Variants in DPYSL4 observed in about 807,000 individuals in gnomAD.
DPYSL4 encodes the protein dihydropyrimidinase-related protein 4.
In DPYSL4, 43 loss-of-function variants were observed where a neutral mutation model predicts 63.4. That is an observed-to-expected ratio of 0.68 (90% confidence interval 0.53 to 0.88). The LOEUF (loss-of-function observed/expected upper bound fraction) is 0.88, where lower values mean the gene tolerates loss of function less well. DPYSL4 is among the 40% of genes least tolerant of loss of function. The probability of loss-of-function intolerance (pLI) is 0.00; values close to 1 mark genes in which losing one functional copy is unlikely to be tolerated. For synonymous variants in DPYSL4, 353 were observed against 331.7 expected (o/e 1.06, Z -0.70); for missense variants, 733 against 819.5 (o/e 0.89, Z 1.29).
intron 4 of DPYSL4, among the ~76,000 whole-genome samples, chr10:132,195,559 C>A (rs2061932744): frequency 6.6e-6 from 1 of 152,170 alleles, no homozygotes; most frequent in African/African-American, 2.4e-5. Flanking sequence ...GGATGGGGTC[C>A]AAGCAAGCCC....
chr10:132,204,927 C>T lies in DPYSL4; in HGVS notation c.1716C>T (p.Ser572=), dbSNP rs980573466. 1.2e-6 allele frequency: 2 copies of T among 1,608,992 alleles called. No individual in the cohort carries two copies. Among genetic ancestry groups the T allele is most frequent in the Admixed American group, 1.7e-5 (1 of 59,688 alleles). The change falls in exon 14 of 14, where the codon TCC becomes TCT. Residue 572 remains serine (S), a synonymous_variant. Coordinates refer to ENST00000338492, the MANE Select transcript of DPYSL4 (RefSeq NM_006426.3). ...PGGRSNITSL[S] ...GCCGCTCCAACATCACCTCTCTCTCCTAGACGCCCAGGACCGGCCCTGTGA... is the reference window on the plus strand; with the variant it reads ...GCCGCTCCAACATCACCTCTCTCTCTTAGACGCCCAGGACCGGCCCTGTGA...
chr10:132,191,093 G>A (rs369524202), intron 2 of DPYSL4, among the ~76,000 whole-genome samples: 5 of 140,638 alleles, frequency 3.6e-5, no homozygotes, highest in African/African-American at 5.3e-5. Context: ...TTCCCAGCTC[G>A]TGTGTACACG....
chr10:132,202,702 C>T lies in DPYSL4; in HGVS notation c.1338C>T (p.Val446=). 1.2e-6 allele frequency: 2 copies of T among 1,613,462 alleles called. No homozygotes were observed. The highest frequency in any genetic ancestry group is 1.7e-6 in the Non-Finnish European group (2 of 1,179,994). ...GVECRGAPAV[V]ISQGRVALED... ...AGTGCCGGGGAGCGCCTGCCGTGGT[C>T]ATAAGTCAGGGCCGAGTGGCGCTGG... is the stretch of plus-strand genomic sequence containing the variant. Residue 446 remains valine (V), a synonymous_variant, in exon 12 of 14, where the codon GTC becomes GTT. Transcript: ENST00000338492.
At chr10:132,193,573 G>A (rs2061904453) in intron 3 of DPYSL4, among the ~76,000 whole-genome samples, 1 of 152,258 alleles carries the variant, frequency 6.6e-6, no homozygotes, top group Non-Finnish European at 1.5e-5. Flanking sequence ...GGCCTTGGGT[G>A]CCATTCACTC....
Position 132,198,576 on chromosome 10 carries a change from C to T in DPYSL4, c.690+93C>T, listed in dbSNP as rs2061973354. 6 of 1,337,624 alleles carry T rather than the reference C, an allele frequency of 4.5e-6. No individual in the cohort carries two copies. In the Admixed American group the frequency reaches 6.4e-5, roughly 14 times the overall value. 82.9% of individuals were successfully genotyped at this position (1,337,624 alleles called of 1,614,324 possible). A position where few individuals can be genotyped will look rare whatever the true frequency, so the allele number is the denominator to read the frequency against. ...GCTGACCCTGGCCCTGGGCTCCTGGCCCTGCCACTGTGCTCGCCCCGACCT... is the reference window on the plus strand; with the variant it reads ...GCTGACCCTGGCCCTGGGCTCCTGGTCCTGCCACTGTGCTCGCCCCGACCT... On this transcript the variant is annotated intron_variant, in intron 7 of 13. Transcript: ENST00000338492.
chr10:132,192,509 G>A, intron 2 of DPYSL4, 149 bp from the exon 3 acceptor site: 1 of 1,403,204 alleles, frequency 7.1e-7, no homozygotes, highest in Non-Finnish European at 9.2e-7. Flanking sequence ...GCACTCCCGA[G>A]GAGCTAGTCC....
At position 132,190,342 on chromosome 10, in the gene DPYSL4, G is replaced by A. The variant is rs1175340545; in HGVS notation, c.40-405G>A. Among the ~76,000 whole-genome samples the A allele has an allele frequency of 2.6e-5, 4 of 152,354 alleles. No homozygotes were observed. The East Asian group carries it at 7.7e-4, about 29-fold the overall frequency. ...GTCCGCTCCCAGCCTCCTCTGCGTG[G>A]GTGGAAGACAGGGTGGAGGAGAGCA... On this transcript the variant is annotated intron_variant, in intron 1 of 13. Transcript: ENST00000338492.
At chr10:132,201,869 T>C in intron 10 of DPYSL4, 77 bp from the exon 11 acceptor site, 1 of 1,472,090 alleles carries the variant, frequency 6.8e-7, no homozygotes, top group Non-Finnish European at 9.2e-7. Context: ...GGGGTCCTGG[T>C]GGCCCAGTGT....
At chr10:132,201,029 G>A (rs750670419) in intron 10 of DPYSL4, 46 bp downstream of exon 10, 3 of 1,600,682 alleles carry the variant, frequency 1.9e-6, no homozygotes, top group East Asian at 2.2e-5. Flanking sequence ...GAGCGGCTGT[G>A]GGCGGGATTG....
chr10:132,188,727 T>C (rs559668872), intron 1 of DPYSL4, among the ~76,000 whole-genome samples: 11 of 152,246 alleles, frequency 7.2e-5, no homozygotes, highest in Non-Finnish European at 1.6e-4. Context: ...TCCTGGACAT[T>C]TAGGAAGTCG....
At position 132,198,443 on chromosome 10, in the gene DPYSL4, TCA is replaced by T; in HGVS notation, c.652_653del (p.Thr218TrpfsTer16). On this transcript the variant is annotated frameshift_variant, in exon 7 of 14. Coordinates refer to ENST00000338492, the MANE Select transcript of DPYSL4 (RefSeq NM_006426.3). LOFTEE classifies it high-confidence loss of function. ...CAGAAGCGGTTGCTGGAGCTCGGCATCACTGGCCCCGAGGGCCACGTGCTCAG... is the reference window on the plus strand; with the variant it reads ...CAGAAGCGGTTGCTGGAGCTCGGCATCTGGCCCCGAGGGCCACGTGCTCAG... The T allele has an allele frequency of 6.2e-7, 1 of 1,607,442 alleles. No homozygotes were observed. The highest frequency in any genetic ancestry group is 8.5e-7 in the Non-Finnish European group (1 of 1,178,480).
intron 3 of DPYSL4, among the ~76,000 whole-genome samples, chr10:132,193,423 C>T (rs141314947): frequency 5.8e-4 from 89 of 152,358 alleles, no homozygotes; most frequent in Middle Eastern, 6.8e-3. Flanking sequence ...CTCCTAAAAC[C>T]CTCTGAGCTC....
At chr10:132,204,582 G>C (rs2062068824) in intron 13 of DPYSL4, among the ~76,000 whole-genome samples, 1 of 152,132 alleles carries the variant, frequency 6.6e-6, no homozygotes, top group Non-Finnish European at 1.5e-5. Context: ...GTTCCTCTCG[G>C]GACAGGAAGG....
At position 132,200,742 on chromosome 10, in the gene DPYSL4, C is replaced by T. The variant is rs1048744392; in HGVS notation, c.969-100C>T. On this transcript the variant is annotated intron_variant, in intron 9 of 13. Coordinates refer to ENST00000338492, the MANE Select transcript of DPYSL4 (RefSeq NM_006426.3). ...TGCCCAGCGAGAGCCACTCAGATGACCTCTAGCCCCTGCGGCTGTGCTGGC... is the reference window on the plus strand; with the variant it reads ...TGCCCAGCGAGAGCCACTCAGATGATCTCTAGCCCCTGCGGCTGTGCTGGC... The T allele has an allele frequency of 2.6e-5, 39 of 1,493,894 alleles. 1 individual carries two copies. Among genetic ancestry groups the T allele is most frequent in the Middle Eastern group, 2.4e-4 (1 of 4,132 alleles). The allele number at this position is 1,493,894 out of a possible 1,614,324, so 92.5% of individuals were successfully genotyped here.
At chr10:132,195,219 T>C (rs1275909673) in intron 4 of DPYSL4, among the ~76,000 whole-genome samples, 1 of 152,194 alleles carries the variant, frequency 6.6e-6, no homozygotes, top group East Asian at 1.9e-4. Context: ...GAGGGACCCA[T>C]CCTGGAATTG....
chr10:132,197,447 C>T (rs2061960753), intron 6 of DPYSL4, among the ~76,000 whole-genome samples: 1 of 152,248 alleles, frequency 6.6e-6, no homozygotes, highest in South Asian at 2.1e-4. Flanking sequence ...ACCTTCCTTC[C>T]AGCCAAGGGC....
chr10:132,197,960 T>C (rs769231222), intron 6 of DPYSL4, among the ~76,000 whole-genome samples: 1 of 152,210 alleles, frequency 6.6e-6, no homozygotes, highest in African/African-American at 2.4e-5. Flanking sequence ...CTGCTGCTTC[T>C]GGCCGGTACC....
At chr10:132,189,112 C>G (rs1873505) in intron 1 of DPYSL4, among the ~76,000 whole-genome samples, 93,929 of 151,754 alleles carry the variant, frequency 0.62, 29,666 homozygotes, top group East Asian at 0.93. Context: ...CGTGAAGGCT[C>G]TAGCCCCAGG....
In DPYSL4 at chr10:132,202,833, G is replaced by A. The variant is rs367611498; in HGVS notation, c.1461+8G>A. 189 of 1,580,298 alleles carry A rather than the reference G, an allele frequency of 1.2e-4. 1 individual carries two copies. The highest frequency in any genetic ancestry group is 1.7e-4 in the Middle Eastern group (1 of 5,906). On this transcript the variant is annotated splice_region_variant and intron_variant, in intron 12 of 13. Coordinates refer to ENST00000338492, the MANE Select transcript of DPYSL4 (RefSeq NM_006426.3). ...ATCAAAGCTCGCAACAGGGTAGGGC[G>A]GCACCCGCAAGGGTGTTGTGCAGGT...
Sources: gnomAD v4.1 joint callset for allele counts (sites outside exome capture counted in the v4.1 genomes callset) on GRCh38, gnomAD v4.1.1 for gene constraint, MANE v1.5 for transcripts, NCBI Gene and HGNC (gene_info 2026-07-23, HGNC 2026-07-21) for gene names.